The following TUSC3 variants were observed in gnomAD, a reference collection of about 807,000 sequenced individuals.
The protein encoded by TUSC3 is dolichyl-diphosphooligosaccharide--protein glycosyltransferase subunit TUSC3.
Under a neutral mutation model 44.8 loss-of-function variants are expected in TUSC3, and 45 were observed. That is an observed-to-expected ratio of 1.00 (90% confidence interval 0.79 to 1.29). The LOEUF (loss-of-function observed/expected upper bound fraction) is 1.29. Ranked by LOEUF, TUSC3 falls within the 50% of genes most tolerant of loss-of-function variation. TUSC3 has a pLI of 0.00. For synonymous variants in TUSC3, 212 were observed against 152.9 expected (o/e 1.39, Z -2.85); for missense variants, 519 against 437.9 (o/e 1.19, Z -1.65).
rs185410434 is a variant in TUSC3, at chr8:15,694,223, G to A, written c.798+20387G>A. 4.4e-3 allele frequency among the ~76,000 whole-genome samples: 662 copies of A among 151,904 alleles called. 4 individuals carry two copies. Among genetic ancestry groups the A allele is most frequent in the African/African-American group, 0.014 (584 of 41,428 alleles). ...TTTGGGAGGATGAGGCGGGCAGATCGCCTGAGGTCAGGAGTTTCATACCAG... is the reference window on the plus strand; with the variant it reads ...TTTGGGAGGATGAGGCGGGCAGATCACCTGAGGTCAGGAGTTTCATACCAG... On this transcript the variant is annotated intron_variant, in intron 6 of 10. Transcript: ENST00000503731.
chr8:15,609,430 T>A (rs1048861506), intron 1 of TUSC3, among the ~76,000 whole-genome samples: 4 of 152,214 alleles, frequency 2.6e-5, no homozygotes, highest in African/African-American at 4.8e-5. Context: ...AAGTAGATTT[T>A]CTTCTAAGCT....
intron 6 of TUSC3, among the ~76,000 whole-genome samples, chr8:15,695,414 T>C (rs567641199): frequency 6.6e-5 from 10 of 152,334 alleles, no homozygotes; most frequent in African/African-American, 2.4e-4. Context: ...TCTGCCATGA[T>C]TGTGAGGCCT....
chr8:15,803,528 G>C, the TUSC3 span, among the ~76,000 whole-genome samples: 72 of 152,222 alleles, frequency 4.7e-4, no homozygotes, highest in African/African-American at 1.7e-3. Context: ...AATTTCAGTA[G>C]CATAAAAGGT....
At chr8:15,432,081 A>G (rs1010470193) in intron 1 of TUSC3, among the ~76,000 whole-genome samples, 2 of 151,610 alleles carry the variant, frequency 1.3e-5, no homozygotes, top group African/African-American at 4.8e-5. Flanking sequence ...ATTTTCTTAC[A>G]TTGTTCTTGT....
chr8:15,617,130 G>GTGTGTGTGTGTGTGTGTGTC (rs1398545858), intron 1 of TUSC3, among the ~76,000 whole-genome samples: 20 of 75,172 alleles, frequency 2.7e-4, no homozygotes, highest in Admixed American at 5.2e-4. Flanking sequence ...ATGTGTGTGT[G>GTGTGTGTGTGTGTGTGTGTC]TGTATATATT....
chr8:15,602,583 A>G (rs1478334376), intron 1 of TUSC3, among the ~76,000 whole-genome samples: 2 of 151,384 alleles, frequency 1.3e-5, no homozygotes, highest in Non-Finnish European at 3.0e-5. Context: ...TGTCTTTGTG[A>G]TACTGTGCAA....
intron 2 of TUSC3, among the ~76,000 whole-genome samples, chr8:15,650,216 A>T (rs190351611): frequency 6.6e-6 from 1 of 152,230 alleles, no homozygotes; most frequent in African/African-American, 2.4e-5. Context: ...TTAAAATTTT[A>T]AAACTATTAA....
intron 1 of TUSC3, among the ~76,000 whole-genome samples, chr8:15,565,279 C>T (rs1802623879): frequency 2.0e-5 from 3 of 151,842 alleles, no homozygotes; most frequent in Admixed American, 1.3e-4. Flanking sequence ...AAAACTGACT[C>T]TGATTTTCTT....
intron 2 of TUSC3, among the ~76,000 whole-genome samples, chr8:15,635,976 G>A (rs866538859): frequency 8.5e-5 from 13 of 152,322 alleles, no homozygotes; most frequent in African/African-American, 3.1e-4. Context: ...GTTTCAAAGA[G>A]CGGTGTCTTT....
At chr8:15,486,049 C>A (rs1800728843) in intron 2 of TUSC3, among the ~76,000 whole-genome samples, 1 of 152,138 alleles carries the variant, frequency 6.6e-6, no homozygotes, top group Admixed American at 6.5e-5. Flanking sequence ...CCACCTTGGC[C>A]TCCCATGGTG....
At chr8:15,843,443 G>A in the TUSC3 span, among the ~76,000 whole-genome samples, 1 of 151,882 alleles carries the variant, frequency 6.6e-6, no homozygotes, top group African/African-American at 2.4e-5. Context: ...CCAAGTACTA[G>A]AAGAAAAACT....
intron 1 of TUSC3, among the ~76,000 whole-genome samples, chr8:15,599,790 G>T (rs2129154053): frequency 6.7e-6 from 1 of 149,952 alleles, no homozygotes; most frequent in East Asian, 2.0e-4. Context: ...TATTTTGCCA[G>T]TACCCCACTG....
At chr8:15,589,112 A>G (rs1050695276) in intron 1 of TUSC3, among the ~76,000 whole-genome samples, 2 of 152,134 alleles carry the variant, frequency 1.3e-5, no homozygotes, top group African/African-American at 2.4e-5. Context: ...TCTGTTTGTC[A>G]GATACAAATA....
At chr8:15,709,169 A>G (rs1312962699) in intron 6 of TUSC3, among the ~76,000 whole-genome samples, 1 of 151,922 alleles carries the variant, frequency 6.6e-6, no homozygotes, top group African/African-American at 2.4e-5. Context: ...TACTGCATCC[A>G]ACATAATCTG....
intron 1 of TUSC3, among the ~76,000 whole-genome samples, chr8:15,463,739 C>T (rs1252944037): frequency 2.0e-5 from 3 of 152,172 alleles, no homozygotes; most frequent in African/African-American, 4.8e-5. Context: ...ACTCATACAG[C>T]TTGGCTTACC....
At chr8:15,534,658 A>AC (rs1472636085) in intron 2 of TUSC3, among the ~76,000 whole-genome samples, 11 of 151,834 alleles carry the variant, frequency 7.2e-5, no homozygotes, top group African/African-American at 2.7e-4. Context: ...AAAAAAAAAA[A>AC]AAAACTTCAG....
chr8:15,441,549 T>C (rs1468337933), intron 1 of TUSC3, among the ~76,000 whole-genome samples: 2 of 152,190 alleles, frequency 1.3e-5, no homozygotes, highest in Non-Finnish European at 2.9e-5. Flanking sequence ...AATATGCTCA[T>C]AGACATGGAG....
At chr8:15,787,394 A>G in the TUSC3 span, among the ~76,000 whole-genome samples, 3 of 152,214 alleles carry the variant, frequency 2.0e-5, no homozygotes, top group Admixed American at 2.0e-4. Flanking sequence ...AAAGTACATG[A>G]TGATTTGGTC....
chr8:15,698,390 A>C (rs1809256561), intron 6 of TUSC3, among the ~76,000 whole-genome samples: 1 of 152,210 alleles, frequency 6.6e-6, no homozygotes, highest in South Asian at 2.1e-4. Flanking sequence ...TTATGAAATA[A>C]GTATTAACTA....
Sources: gnomAD v4.1 joint callset for allele counts (sites outside exome capture counted in the v4.1 genomes callset) on GRCh38, gnomAD v4.1.1 for gene constraint, MANE v1.5 for transcripts, NCBI Gene and HGNC (gene_info 2026-07-23, HGNC 2026-07-21) for gene names.